The following BEAN1 variants were observed in gnomAD, a reference collection of about 807,000 sequenced individuals.
BEAN1 encodes protein BEAN1.
A neutral mutation model predicts 17.7 loss-of-function variants in BEAN1; 17 were observed. The ratio of observed to expected loss-of-function variants is 0.96; its 90% CI spans 0.66 to 1.44. BEAN1 has a LOEUF of 1.44. Among genes scored for constraint, BEAN1 ranks in the 40% most tolerant of loss-of-function variants. BEAN1 has a pLI of 0.00. For synonymous variants in BEAN1, 142 were observed against 151.8 expected (o/e 0.94, Z 0.47); for missense variants, 359 against 374.1 (o/e 0.96, Z 0.33).
intron 4 of BEAN1, among the ~76,000 whole-genome samples, chr16:66,480,101 GT>G (rs1963927947): frequency 6.6e-6 from 1 of 152,140 alleles, no homozygotes; most frequent in Non-Finnish European, 1.5e-5. Context: ...AGCAGGGGTG[GT>G]GCTGCCAGTC....
chr16:66,450,445 G>T (rs1962629077), intron 2 of BEAN1, among the ~76,000 whole-genome samples: 1 of 152,196 alleles, frequency 6.6e-6, no homozygotes, highest in South Asian at 2.1e-4. Context: ...TCTGGATGGG[G>T]TGGCTCATAC....
At chr16:66,492,231 G>A (rs889747048) in intron 4 of BEAN1, among the ~76,000 whole-genome samples, 6 of 151,286 alleles carry the variant, frequency 4.0e-5, no homozygotes, top group African/African-American at 9.7e-5. Context: ...TAGTAGAGAC[G>A]GGGTTTCACC....
Position 66,480,567 on chromosome 16 carries a change from G to A in BEAN1, c.441-19G>A, listed in dbSNP as rs1963945247. 1.3e-6 allele frequency: 2 copies of A among 1,506,624 alleles called. No individual in the cohort carries two copies. Among genetic ancestry groups the A allele is most frequent in the East Asian group, 5.0e-5 (2 of 40,262 alleles). The allele number at this position is 1,506,624 out of a possible 1,614,324, so 93.3% of individuals were successfully genotyped here. The stretch of plus-strand genomic sequence containing the variant: ...CCTAAGGCCTAGGTGGGGCACTGAG[G>A]GAGCCTCTTCTCTCGTAGCTACGAG... On this transcript the variant is annotated intron_variant, in intron 4 of 4. Coordinates refer to ENST00000536005, the MANE Select transcript of BEAN1 (RefSeq NM_001178020.3).
intron 1 of BEAN1, among the ~76,000 whole-genome samples, chr16:66,433,273 TA>T (rs1203253141): frequency 6.6e-6 from 1 of 152,042 alleles, no homozygotes; most frequent in Non-Finnish European, 1.5e-5. Flanking sequence ...CACACTCAGC[TA>T]ATTTTTTTGT....
chr16:66,440,865 A>G (rs889850783), intron 2 of BEAN1, among the ~76,000 whole-genome samples: 1 of 151,916 alleles, frequency 6.6e-6, no homozygotes, highest in African/African-American at 2.4e-5. Context: ...ATTTTGCTGT[A>G]TTGGTTTGGG....
chr16:66,473,527 G>A lies in BEAN1; in HGVS notation c.289+3662G>A, dbSNP rs1963567494. On this transcript the variant is annotated intron_variant, in intron 3 of 4. Coordinates refer to ENST00000536005, the MANE Select transcript of BEAN1 (RefSeq NM_001178020.3). The surrounding 1 kb of genome is among the most constrained non-coding windows in gnomAD (Gnocchi z 4.5). Reference sequence around the variant, plus strand: ...AGAGGGAAACGCACTGTGAGCAGCTGTGGGAGAACATGAAAGCGGCACCAC... The same window carrying A: ...AGAGGGAAACGCACTGTGAGCAGCTATGGGAGAACATGAAAGCGGCACCAC... Among the ~76,000 whole-genome samples, 1 of 152,002 alleles carries A rather than the reference G, an allele frequency of 6.6e-6. No individual in the cohort carries two copies. Among genetic ancestry groups the A allele is most frequent in the South Asian group, 2.1e-4 (1 of 4,816 alleles).
intron 3 of BEAN1, among the ~76,000 whole-genome samples, chr16:66,477,298 C>T (rs1384102976): frequency 1.3e-5 from 2 of 152,190 alleles, no homozygotes; most frequent in Non-Finnish European, 2.9e-5. Flanking sequence ...GCCAGGTTAT[C>T]CCCAAAGCAG....
At chr16:66,451,755 C>T (rs1018780309) in intron 2 of BEAN1, among the ~76,000 whole-genome samples, 5 of 152,280 alleles carry the variant, frequency 3.3e-5, no homozygotes, top group East Asian at 1.9e-4. Flanking sequence ...GTGGGCACTG[C>T]CAGCAAGAGG....
In BEAN1 at chr16:66,473,942, C is replaced by T. The variant is rs1344026287; in HGVS notation, c.290-3618C>T. On this transcript the variant is annotated intron_variant, in intron 3 of 4. Coordinates refer to ENST00000536005, the MANE Select transcript of BEAN1 (RefSeq NM_001178020.3). The surrounding 1 kb of genome is among the most constrained non-coding windows in gnomAD (Gnocchi z 4.5). ...CACCTTGGTCCTGGTCCTCTCTCTACACCCACTCCCTGCTCCATCTCATAC... is the reference window on the plus strand; with the variant it reads ...CACCTTGGTCCTGGTCCTCTCTCTATACCCACTCCCTGCTCCATCTCATAC... Among the ~76,000 whole-genome samples the T allele has an allele frequency of 2.0e-5, 3 of 152,104 alleles. No individual in the cohort carries two copies. Among genetic ancestry groups the T allele is most frequent in the Non-Finnish European group, 2.9e-5 (2 of 68,022 alleles).
In BEAN1 at chr16:66,469,755, G is replaced by T. The variant is rs1316507544; in HGVS notation, c.179G>T (p.Arg60Leu). ...ATCACCATCATTGTGGGCAGCATCCGCAGGGACAGGCAGGCCCGGCTTCAG... is the reference window on the plus strand; with the variant it reads ...ATCACCATCATTGTGGGCAGCATCCTCAGGGACAGGCAGGCCCGGCTTCAG... ...SCITIIVGSI[R>L]RDRQARLQRH... Residue 60 changes from arginine (R) to leucine (L), a missense_variant, in exon 3 of 5, where the codon CGC becomes CTC. Physicochemically the swap from Arg to Leu is moderately radical, Grantham distance 102 (BLOSUM62 -2). Coordinates refer to ENST00000536005, the MANE Select transcript of BEAN1 (RefSeq NM_001178020.3). 6.5e-7 allele frequency: 1 copy of T among 1,536,146 alleles called. No homozygotes were observed. Among genetic ancestry groups the T allele is most frequent in the African/African-American group, 1.4e-5 (1 of 73,146 alleles).
At chr16:66,474,182 A>G (rs930184376) in intron 3 of BEAN1, among the ~76,000 whole-genome samples, 2 of 152,170 alleles carry the variant, frequency 1.3e-5, no homozygotes, top group African/African-American at 4.8e-5. Flanking sequence ...AACTGGTGCA[A>G]GAGGATCCAC....
chr16:66,480,758 C>A lies in BEAN1; in HGVS notation c.613C>A (p.Leu205Ile). 2 of 1,551,480 alleles carry A rather than the reference C, an allele frequency of 1.3e-6. No individual in the cohort carries two copies. The highest frequency in any genetic ancestry group is 2.4e-5 in the South Asian group (2 of 84,056). ...QEQRTPAQGG[L>I]HTVSMDTLPP... is the part of the protein sequence containing the mutation. ...GCAGAGGACCCCGGCCCAAGGTGGC[C>A]TTCACACGGTCTCCATGGACACCCT... The change falls in exon 5 of 5, where the codon CTT becomes ATT. Residue 205 changes from leucine (L) to isoleucine (I), a missense_variant. Transcript: ENST00000536005.
At chr16:66,463,587 G>A (rs545658507) in intron 2 of BEAN1, among the ~76,000 whole-genome samples, 3 of 152,232 alleles carry the variant, frequency 2.0e-5, no homozygotes, top group East Asian at 1.9e-4. Flanking sequence ...CGATTCTACC[G>A]ACTGTCTCTT....
intron 2 of BEAN1, among the ~76,000 whole-genome samples, chr16:66,461,777 C>T (rs913923456): frequency 1.3e-5 from 2 of 152,118 alleles, no homozygotes; most frequent in Admixed American, 1.3e-4. Flanking sequence ...GGAGCCAGCC[C>T]ACTATTCTAC....
intron 1 of BEAN1, among the ~76,000 whole-genome samples, chr16:66,428,707 A>C (rs564065294): frequency 6.6e-6 from 1 of 152,312 alleles, no homozygotes; most frequent in East Asian, 1.9e-4. Context: ...GCACGCAGCC[A>C]GTGGCCAATT....
rs1963476975 is a variant in BEAN1 at position 66,471,405 on chromosome 16, C to T, written c.289+1540C>T. ...AGCCCAGGCAGCCTGACCTGGCACC[C>T]ACAGGCTGCCCCGCTGCACAGCACT... On this transcript the variant is annotated intron_variant, in intron 3 of 4. Coordinates refer to ENST00000536005, the MANE Select transcript of BEAN1 (RefSeq NM_001178020.3). The surrounding 1 kb of genome is among the most constrained non-coding windows in gnomAD (Gnocchi z 4.7). Among the ~76,000 whole-genome samples the T allele has an allele frequency of 1.3e-5, 2 of 152,220 alleles. No individual in the cohort carries two copies. Among genetic ancestry groups the T allele is most frequent in the African/African-American group, 4.8e-5 (2 of 41,458 alleles).
At chr16:66,431,558 G>A (rs1437986134) in intron 1 of BEAN1, among the ~76,000 whole-genome samples, 3 of 151,404 alleles carry the variant, frequency 2.0e-5, no homozygotes, top group Admixed American at 2.0e-4. Flanking sequence ...TTCTGTCTGT[G>A]TTCTGTCCTT....
chr16:66,436,139 A>G (rs1417230361), intron 1 of BEAN1, among the ~76,000 whole-genome samples: 1 of 152,186 alleles, frequency 6.6e-6, no homozygotes, highest in African/African-American at 2.4e-5. Context: ...CTGCAAGGCA[A>G]GTGACCACAC....
chr16:66,439,261 G>A (rs1347888391), intron 2 of BEAN1, among the ~76,000 whole-genome samples: 1 of 152,176 alleles, frequency 6.6e-6, no homozygotes, highest in Admixed American at 6.5e-5. Context: ...GATAGCACAG[G>A]CTCAACAAAT....
Sources: allele counts gnomAD v4.1 joint callset (sites outside exome capture counted in the v4.1 genomes callset), GRCh38; gene constraint gnomAD v4.1.1; non-coding constraint Gnocchi (gnomAD v3.1); transcripts MANE v1.5; gene names NCBI Gene and HGNC (gene_info 2026-07-23, HGNC 2026-07-21).